SND1: variants seen among roughly 807,000 people sequenced by gnomAD.
SND1 encodes the protein staphylococcal nuclease and tudor domain containing 1.
In SND1, 38 loss-of-function variants were observed where a neutral mutation model predicts 121.7. The observed-to-expected ratio is 0.31, with a 90% confidence interval of 0.24 to 0.41. The LOEUF (loss-of-function observed/expected upper bound fraction) is 0.41, where lower values mean the gene tolerates loss of function less well. SND1 is among the 10% of genes least tolerant of loss of function. The pLI, the probability that SND1 is intolerant of heterozygous loss-of-function variation, is 1.00. For missense variants in SND1, 868 were observed against 1,184.6 expected (o/e 0.73, Z 3.92); for synonymous variants, 401 against 447.4 (o/e 0.90, Z 1.31).
chr7:128,025,938 C>T (rs921311880), intron 16 of SND1, among the ~76,000 whole-genome samples: 1 of 152,054 alleles, frequency 6.6e-6, no homozygotes, highest in African/African-American at 2.4e-5. Flanking sequence ...TTCTGTACCT[C>T]TCCCCTCAGA....
At chr7:127,834,912 TG>T (rs1453671393) in intron 11 of SND1, among the ~76,000 whole-genome samples, 1 of 152,134 alleles carries the variant, frequency 6.6e-6, no homozygotes, top group Non-Finnish European at 1.5e-5. Context: ...GCTGGAGAAA[TG>T]GGAGTGCTCT....
chr7:127,976,408 G>A (rs1472350771), intron 15 of SND1, among the ~76,000 whole-genome samples: 5 of 152,228 alleles, frequency 3.3e-5, no homozygotes, highest in African/African-American at 1.2e-4. Flanking sequence ...GGTCTGTTGG[G>A]TACCTGATTT....
intron 10 of SND1, among the ~76,000 whole-genome samples, chr7:127,783,506 T>A (rs1797760253): frequency 6.6e-6 from 1 of 152,176 alleles, no homozygotes; most frequent in Admixed American, 6.5e-5. Flanking sequence ...TTCCTTCCAC[T>A]TTAGCTTTTA....
chr7:128,060,170 C>A (rs1256874279), intron 16 of SND1, among the ~76,000 whole-genome samples: 2 of 152,178 alleles, frequency 1.3e-5, no homozygotes, highest in Non-Finnish European at 1.5e-5. Flanking sequence ...CACTCCTTTA[C>A]TGGTTGATGA....
chr7:127,719,024 A>G (rs115239192), intron 9 of SND1, among the ~76,000 whole-genome samples: 96 of 152,176 alleles, frequency 6.3e-4, no homozygotes, highest in African/African-American at 2.1e-3. Context: ...GAGGAGTGGT[A>G]TTGATTTGCT....
intron 1 of SND1, among the ~76,000 whole-genome samples, chr7:127,668,732 A>G (rs80234050): frequency 0.012 from 1,882 of 152,182 alleles, 10 homozygotes; most frequent in Admixed American, 0.02. Flanking sequence ...TGCTTTGCCT[A>G]TTTCTCTGCC....
intron 16 of SND1, among the ~76,000 whole-genome samples, chr7:128,065,496 C>G (rs764200543): frequency 1.3e-5 from 2 of 152,218 alleles, no homozygotes; most frequent in East Asian, 1.9e-4. Flanking sequence ...GGAACTGACA[C>G]GTGAACTTGA....
chr7:127,668,603 A>G (rs1795459982), intron 1 of SND1, among the ~76,000 whole-genome samples: 1 of 152,252 alleles, frequency 6.6e-6, no homozygotes, highest in Non-Finnish European at 1.5e-5. Context: ...TGGTGGACTC[A>G]GGAGATGACA....
intron 16 of SND1, among the ~76,000 whole-genome samples, chr7:128,063,476 C>G (rs544305747): frequency 6.6e-6 from 1 of 152,166 alleles, no homozygotes; most frequent in Middle Eastern, 3.2e-3. Flanking sequence ...CTCTCACCTT[C>G]GAGGAGTTCT....
In SND1 at chr7:127,731,065, G is replaced by A. The variant is rs578091394; in HGVS notation, c.1152+9665G>A. On this transcript the variant is annotated intron_variant, in intron 10 of 23. Transcript: ENST00000354725. ...TTTAGAACGACTGGCATGCGGAAGC[G>A]GTAGGTGGAGGTCTGGGAGGAGCTG... is the stretch of plus-strand genomic sequence containing the variant. Among the ~76,000 whole-genome samples the A allele has an allele frequency of 2.5e-4, 38 of 152,338 alleles. 1 individual carries two copies. Among genetic ancestry groups the A allele is most frequent in the East Asian group, 7.7e-4 (4 of 5,172 alleles).
chr7:128,015,271 A>G lies in SND1; in HGVS notation c.1779+24215A>G, dbSNP rs1803202153. On this transcript the variant is annotated intron_variant, in intron 16 of 23. Coordinates refer to ENST00000354725, the MANE Select transcript of SND1 (RefSeq NM_014390.4). This position sits in a 1 kb window ranked among gnomAD's most constrained non-coding sequence, Gnocchi z 4.5. ...TGGGGCTAAAATGAAGACCGCTCTT[A>G]GTTCATGTTCTGGCATATTAATCAG... Among the ~76,000 whole-genome samples, 1 of 152,238 alleles carries G rather than the reference A, an allele frequency of 6.6e-6. No individual in the cohort carries two copies. The highest frequency in any genetic ancestry group is 1.5e-5 in the Non-Finnish European group (1 of 68,028).
chr7:128,051,137 A>G (rs145871777), intron 16 of SND1, among the ~76,000 whole-genome samples: 9 of 152,312 alleles, frequency 5.9e-5, no homozygotes, highest in Non-Finnish European at 1.2e-4. Context: ...TTCCCAGTGC[A>G]GGAGTTTTCC....
intron 15 of SND1, among the ~76,000 whole-genome samples, chr7:127,975,165 AC>A (rs1802083869): frequency 6.6e-6 from 1 of 152,146 alleles, no homozygotes; most frequent in South Asian, 2.1e-4. Context: ...GCACACACAA[AC>A]CATACAGCTT....
intron 16 of SND1, among the ~76,000 whole-genome samples, chr7:128,037,688 G>A (rs1303609867): frequency 6.6e-6 from 1 of 152,208 alleles, no homozygotes; most frequent in African/African-American, 2.4e-5. Context: ...AAGGGTAGGG[G>A]AGCCAAGCAG....
chr7:127,765,551 A>G (rs1482000268), intron 10 of SND1, among the ~76,000 whole-genome samples: 3 of 152,232 alleles, frequency 2.0e-5, no homozygotes, highest in Admixed American at 1.3e-4. Flanking sequence ...CATTTTTCTC[A>G]ATCTCTTGTA....
chr7:128,071,591 A>G (rs925312488), intron 16 of SND1, among the ~76,000 whole-genome samples: 1 of 152,232 alleles, frequency 6.6e-6, no homozygotes, highest in Non-Finnish European at 1.5e-5. Context: ...AAGGATGATC[A>G]CACACATACA....
chr7:127,805,388 A>G (rs904197422), intron 10 of SND1, among the ~76,000 whole-genome samples: 5 of 152,206 alleles, frequency 3.3e-5, no homozygotes, highest in African/African-American at 1.2e-4. Context: ...TGGGAGAAGG[A>G]GCTACCTTAA....
chr7:127,867,527 T>G (rs1799500539), intron 12 of SND1, among the ~76,000 whole-genome samples: 1 of 152,188 alleles, frequency 6.6e-6, no homozygotes, highest in Non-Finnish European at 1.5e-5. Context: ...GATCGCGTCT[T>G]TTGATGGTGT....
At chr7:127,882,991 T>G (rs1056923617) in intron 12 of SND1, among the ~76,000 whole-genome samples, 1 of 152,130 alleles carries the variant, frequency 6.6e-6, no homozygotes, top group African/African-American at 2.4e-5. Flanking sequence ...AAAAGAGAAT[T>G]AGTGCTAGGA....
Sources: gnomAD v4.1 joint callset for allele counts (sites outside exome capture counted in the v4.1 genomes callset) on GRCh38, gnomAD v4.1.1 for gene constraint, Gnocchi (gnomAD v3.1) non-coding constraint, MANE v1.5 for transcripts, NCBI Gene and HGNC (gene_info 2026-07-23, HGNC 2026-07-21) for gene names.